The following SOX5 variants were observed in gnomAD, a reference collection of about 807,000 sequenced individuals.
SOX5 encodes SRY-box transcription factor 5.
A neutral mutation model predicts 92.0 loss-of-function variants in SOX5; 9 were observed. That is an observed-to-expected ratio of 0.10 (90% CI 0.06 to 0.17). SOX5 has a LOEUF of 0.17. Among genes scored for constraint, SOX5 ranks in the 10% least tolerant of loss-of-function variants. The pLI is 1.00. For synonymous variants in SOX5, 344 were observed against 336.3 expected, an observed-to-expected ratio of 1.02 and a Z score of -0.25; for missense variants, 642 against 944.5, an observed-to-expected ratio of 0.68 and a Z score of 4.20.
At chr12:24,036,553 T>C (rs1389119369) in intron 4 of SOX5, among the ~76,000 whole-genome samples, 1 of 152,156 alleles carries the variant, frequency 6.6e-6, no homozygotes, top group African/African-American at 2.4e-5. Context: ...AACTAAGTAA[T>C]AAGCTGTGTA....
At chr12:24,015,807 T>C (rs1953526558) in intron 4 of SOX5, among the ~76,000 whole-genome samples, 1 of 152,058 alleles carries the variant, frequency 6.6e-6, no homozygotes, top group Admixed American at 6.6e-5. Context: ...GTTAATGAAA[T>C]ATGATGGATC....
chr12:24,200,837 C>T (rs949247528), intron 4 of SOX5, among the ~76,000 whole-genome samples: 6 of 152,168 alleles, frequency 3.9e-5, no homozygotes, highest in Admixed American at 3.9e-4. Flanking sequence ...CTAATTCCAC[C>T]TAGAGAATTC....
chr12:24,042,250 G>T (rs1195238178), intron 4 of SOX5, among the ~76,000 whole-genome samples: 1 of 152,026 alleles, frequency 6.6e-6, no homozygotes, highest in East Asian at 1.9e-4. Context: ...GGTACTGTTG[G>T]TTCTAATAAA....
chr12:23,791,783 G>A (rs1366042539), intron 3 of SOX5, among the ~76,000 whole-genome samples: 1 of 151,900 alleles, frequency 6.6e-6, no homozygotes, highest in Non-Finnish European at 1.5e-5. Context: ...TTTAAACATA[G>A]TTTATAATAA....
intron 3 of SOX5, 87 bp from the exon 4 acceptor site, chr12:23,755,811 C>T: frequency 1.3e-6 from 1 of 795,156 alleles, no homozygotes; most frequent in Admixed American, 3.2e-5. Flanking sequence ...AAAAATAAGG[C>T]CATCCCTATC....
intron 7 of SOX5, among the ~76,000 whole-genome samples, chr12:23,659,815 A>G (rs1415064365): frequency 6.6e-6 from 1 of 152,026 alleles, no homozygotes; most frequent in East Asian, 1.9e-4. Context: ...AAAAATACAA[A>G]AATTAGCTGG....
Position 24,000,434 on chromosome 12 carries a change from T to C in SOX5, c.-1-104410A>G, listed in dbSNP as rs566455936. Among the ~76,000 whole-genome samples, 36 of 152,142 alleles carry C rather than the reference T, an allele frequency of 2.4e-4. 1 individual carries two copies. In the South Asian group the frequency reaches 7.5e-3, roughly 32 times the overall value. On this transcript the variant is annotated intron_variant, in intron 4 of 4. Transcript: ENST00000446891. ...CACAAGTGGGGGAAAGATTGAACTA[T>C]ATTGAAGAAAAGTCTCTATATTTTA...
chr12:23,749,413 G>C (rs1408007577), intron 4 of SOX5, among the ~76,000 whole-genome samples: 3 of 151,740 alleles, frequency 2.0e-5, no homozygotes, highest in African/African-American at 7.3e-5. Context: ...TAATGTTGTT[G>C]TTTTTGCTTC....
chr12:23,659,502 T>G (rs929114061), intron 7 of SOX5, among the ~76,000 whole-genome samples: 1 of 152,222 alleles, frequency 6.6e-6, no homozygotes, highest in African/African-American at 2.4e-5. Flanking sequence ...TAACTTTATA[T>G]GGCTATTTAG....
At chr12:24,252,004 G>A (rs950450248) in intron 3 of SOX5, among the ~76,000 whole-genome samples, 3 of 149,440 alleles carry the variant, frequency 2.0e-5, no homozygotes, top group East Asian at 3.9e-4. Context: ...CGTTAAATTT[G>A]CCAGCTTAAG....
At chr12:23,764,694 G>A (rs2094659389) in intron 3 of SOX5, among the ~76,000 whole-genome samples, 1 of 152,014 alleles carries the variant, frequency 6.6e-6, no homozygotes, top group African/African-American at 2.4e-5. Context: ...GCAGAATTTT[G>A]TTATTGTTAT....
chr12:23,978,450 T>G (rs1162968493), intron 4 of SOX5, among the ~76,000 whole-genome samples: 1 of 152,226 alleles, frequency 6.6e-6, no homozygotes, highest in African/African-American at 2.4e-5. Context: ...AACTAAAACA[T>G]GAGACCAGAG....
In SOX5 at chr12:23,533,267, C is replaced by T. The variant is rs1196629557; in HGVS notation, c.*952G>A. 1 of 401,266 alleles carries T rather than the reference C, an allele frequency of 2.5e-6. No individual in the cohort carries two copies. The highest frequency in any genetic ancestry group is 5.2e-6 in the Non-Finnish European group (1 of 192,622). 24.9% of individuals were successfully genotyped at this position (401,266 alleles called of 1,614,324 possible). A position where few individuals can be genotyped will look rare whatever the true frequency, so the allele number is the denominator to read the frequency against. ...CACATACATACATACACACAAAAAT[C>T]CAAGATCAGAAAATATTTTTCTCTA... is the stretch of plus-strand genomic sequence containing the variant. On this transcript the variant is annotated 3_prime_UTR_variant, in exon 15 of 15. Coordinates refer to ENST00000451604, the MANE Select transcript of SOX5 (RefSeq NM_006940.6).
At chr12:23,854,824 G>A (rs548530625) in intron 2 of SOX5, among the ~76,000 whole-genome samples, 119 of 152,070 alleles carry the variant, frequency 7.8e-4, no homozygotes, top group Middle Eastern at 3.4e-3. Context: ...GCAAAATGGG[G>A]ATAATATTAG....
chr12:23,852,464 G>T (rs904626631), intron 2 of SOX5, among the ~76,000 whole-genome samples: 1 of 152,024 alleles, frequency 6.6e-6, no homozygotes, highest in African/African-American at 2.4e-5. Context: ...AGTGCAAACA[G>T]AAGTGAGAAC....
intron 2 of SOX5, among the ~76,000 whole-genome samples, chr12:24,339,226 G>T (rs1477795230): frequency 6.7e-6 from 1 of 148,150 alleles, no homozygotes; most frequent in Non-Finnish European, 1.5e-5. Flanking sequence ...AAAAGTGCAG[G>T]ATGCAGCCCA....
At chr12:24,031,162 A>G (rs1412207311) in intron 4 of SOX5, among the ~76,000 whole-genome samples, 1 of 151,482 alleles carries the variant, frequency 6.6e-6, no homozygotes, top group East Asian at 1.9e-4. Flanking sequence ...AAAATTAAAA[A>G]TAGAACTACC....
At chr12:24,464,053 C>G (rs2418175) in intron 1 of SOX5, among the ~76,000 whole-genome samples, 105,709 of 152,094 alleles carry the variant, frequency 0.7, 36,831 homozygotes, top group East Asian at 0.75. Flanking sequence ...GAGCGGTCGT[C>G]TATTAATTAG....
intron 2 of SOX5, among the ~76,000 whole-genome samples, chr12:24,292,287 A>G (rs1423861182): frequency 3.3e-5 from 5 of 152,238 alleles, no homozygotes; most frequent in Non-Finnish European, 7.3e-5. Flanking sequence ...GCAGTGAAGA[A>G]AACTGGATAG....
Sources: gnomAD v4.1 joint callset for allele counts (sites outside exome capture counted in the v4.1 genomes callset) on GRCh38, gnomAD v4.1.1 for gene constraint, MANE v1.5 for transcripts, NCBI Gene and HGNC (gene_info 2026-07-23, HGNC 2026-07-21) for gene names.